The following VGLL4 variants were observed in gnomAD, a reference collection of about 807,000 sequenced individuals.
VGLL4 encodes transcription cofactor vestigial-like protein 4.
VGLL4 carries 7 observed loss-of-function variants against 21.0 expected under a neutral mutation model. The observed-to-expected ratio is 0.33, with a 90% confidence interval of 0.19 to 0.63. The LOEUF is 0.63. VGLL4 is among the 20% of genes least tolerant of loss of function. The probability of loss-of-function intolerance (pLI) is 0.78; values close to 1 mark genes in which losing one functional copy is unlikely to be tolerated. For synonymous variants in VGLL4, 222 were observed against 173.2 expected, an observed-to-expected ratio of 1.28 and a Z score of -2.21; for missense variants, 394 against 425.7, an observed-to-expected ratio of 0.93 and a Z score of 0.66.
At chr3:11,691,008 A>C (rs2076519184) in intron 2 of VGLL4, among the ~76,000 whole-genome samples, 1 of 152,110 alleles carries the variant, frequency 6.6e-6, no homozygotes. Context: ...TCTGAATAGG[A>C]AAAAACTATA....
chr3:11,671,031 T>C (rs60610814), intron 2 of VGLL4, among the ~76,000 whole-genome samples: 17,490 of 152,186 alleles, frequency 0.11, 1,042 homozygotes, highest in East Asian at 0.21. Context: ...AGATTCCGTC[T>C]CAAAAATAAA....
chr3:11,563,609 T>C (rs781265888), intron 3 of VGLL4, among the ~76,000 whole-genome samples: 12 of 152,128 alleles, frequency 7.9e-5, no homozygotes, highest in East Asian at 1.9e-4. Context: ...TCGTAAAACG[T>C]TGAAATGAAC....
chr3:11,671,949 C>T (rs775980124), intron 2 of VGLL4, among the ~76,000 whole-genome samples: 2 of 152,182 alleles, frequency 1.3e-5, no homozygotes, highest in African/African-American at 2.4e-5. Flanking sequence ...TCACTTCCTC[C>T]TCGCCTGTCA....
intron 1 of VGLL4, among the ~76,000 whole-genome samples, chr3:11,706,927 C>A (rs1160802197): frequency 6.6e-6 from 1 of 152,122 alleles, no homozygotes; most frequent in Admixed American, 6.5e-5. Flanking sequence ...TGACAGCTGG[C>A]CTTCAGGTTG....
At position 11,634,819 on chromosome 3, in the gene VGLL4, G is replaced by A. The variant is rs148711860; in HGVS notation, c.82+8618C>T. Among the ~76,000 whole-genome samples the A allele has an allele frequency of 1.6e-4, 24 of 151,992 alleles. 1 individual carries two copies. Among genetic ancestry groups the A allele is most frequent in the Middle Eastern group, 3.4e-3 (1 of 294 alleles). On this transcript the variant is annotated intron_variant, in intron 1 of 4. Transcript: ENST00000430365. Reference sequence around the variant, plus strand: ...CACCCTCCCGAGTATCTGGGATCGCGCACCAGCATGCCTGGCTAATTTTTA... The same window carrying A: ...CACCCTCCCGAGTATCTGGGATCGCACACCAGCATGCCTGGCTAATTTTTA...
chr3:11,662,859 A>G (rs1352992040), intron 2 of VGLL4, among the ~76,000 whole-genome samples: 1 of 152,270 alleles, frequency 6.6e-6, no homozygotes, highest in Non-Finnish European at 1.5e-5. Flanking sequence ...GCTACAAAAT[A>G]AACAACAGTG....
chr3:11,624,234 C>CCAAG (rs1344532502), intron 1 of VGLL4, among the ~76,000 whole-genome samples: 1 of 152,164 alleles, frequency 6.6e-6, no homozygotes, highest in African/African-American at 2.4e-5. Context: ...TTAGCGTGCC[C>CCAAG]CAAGAGGTGT....
rs374919591 is a variant in VGLL4 at position 11,690,735 on chromosome 3, T to G, written c.64+12236A>C. ...CTTCACCAGATTTCAAATGTAAAGA[T>G]TTATTCATTTACAAGGAATCAAAAG... On this transcript the variant is annotated intron_variant, in intron 2 of 5. Coordinates refer to the VGLL4 transcript ENST00000273038. 4.6e-5 allele frequency among the ~76,000 whole-genome samples: 7 copies of G among 152,242 alleles called. No homozygotes were observed. The South Asian group carries it at 1.5e-3, about 32-fold the overall frequency.
At chr3:11,619,582 G>A (rs934531098) in intron 1 of VGLL4, among the ~76,000 whole-genome samples, 2 of 152,324 alleles carry the variant, frequency 1.3e-5, no homozygotes, top group Admixed American at 1.3e-4. Context: ...AGAACACTTG[G>A]TGTGTTGACG....
At chr3:11,619,512 T>G (rs1191965091) in intron 1 of VGLL4, among the ~76,000 whole-genome samples, 1 of 152,176 alleles carries the variant, frequency 6.6e-6, no homozygotes, top group Non-Finnish European at 1.5e-5. Flanking sequence ...TGTAATGCAA[T>G]GAAGCTTAAT....
chr3:11,691,828 A>T (rs1172672469), intron 2 of VGLL4, among the ~76,000 whole-genome samples: 2 of 152,170 alleles, frequency 1.3e-5, no homozygotes, highest in African/African-American at 4.8e-5. Flanking sequence ...GGGCACTGCC[A>T]AGCCTGAGTA....
chr3:11,560,266 G>T (rs559108437), intron 3 of VGLL4, among the ~76,000 whole-genome samples: 1 of 152,192 alleles, frequency 6.6e-6, no homozygotes, highest in Non-Finnish European at 1.5e-5. Flanking sequence ...TGGCCCCCCA[G>T]CTTTGGTGTG....
intron 2 of VGLL4, among the ~76,000 whole-genome samples, chr3:11,574,794 T>C (rs959720088): frequency 6.4e-5 from 7 of 109,604 alleles, no homozygotes; most frequent in African/African-American, 2.5e-4. Flanking sequence ...TATGTGTGTG[T>C]GTGTGTGTGT....
intron 1 of VGLL4, among the ~76,000 whole-genome samples, chr3:11,711,674 G>A (rs1457013988): frequency 1.3e-5 from 2 of 152,082 alleles, no homozygotes; most frequent in Non-Finnish European, 2.9e-5. Context: ...CTGAGATCAC[G>A]CCACTGTACT....
intron 1 of VGLL4, chr3:11,610,297 TG>T: frequency 6.6e-6 from 1 of 152,230 alleles, no homozygotes; most frequent in African/African-American, 2.4e-5. Flanking sequence ...GTCGAGCAGC[TG>T]GGGAGAAGAC....
At chr3:11,630,543 G>A (rs1418482270) in intron 1 of VGLL4, among the ~76,000 whole-genome samples, 1 of 152,162 alleles carries the variant, frequency 6.6e-6, no homozygotes, top group African/African-American at 2.4e-5. Context: ...CTACTGGGGA[G>A]GGTGAGAGAG....
At chr3:11,696,926 A>G (rs2076613817) in intron 2 of VGLL4, among the ~76,000 whole-genome samples, 1 of 152,040 alleles carries the variant, frequency 6.6e-6, no homozygotes, top group South Asian at 2.1e-4. Flanking sequence ...AATTTTTTGT[A>G]GAGATGGGGT....
At chr3:11,692,696 C>G (rs1453911062) in intron 2 of VGLL4, among the ~76,000 whole-genome samples, 1 of 150,022 alleles carries the variant, frequency 6.7e-6, no homozygotes, top group African/African-American at 2.5e-5. Flanking sequence ...TGCGCCAGCA[C>G]CAAAGGAGGA....
At chr3:11,629,979 T>C (rs11717868) in intron 1 of VGLL4, among the ~76,000 whole-genome samples, 115 of 151,802 alleles carry the variant, frequency 7.6e-4, no homozygotes, top group Non-Finnish European at 1.4e-3. Flanking sequence ...TAAAGGAAAG[T>C]GTTCTCAAAA....
Sources: allele counts gnomAD v4.1 joint callset (sites outside exome capture counted in the v4.1 genomes callset), GRCh38; gene constraint gnomAD v4.1.1; transcripts MANE v1.5; gene names NCBI Gene and HGNC (gene_info 2026-07-23, HGNC 2026-07-21).